The following NAA15 variants were observed in gnomAD, a reference collection of about 807,000 sequenced individuals.
NAA15 encodes N-terminal acetyltransferase.
NAA15 carries 34 observed loss-of-function variants against 114.0 expected under a neutral mutation model. That is an observed-to-expected ratio of 0.30 (90% CI 0.23 to 0.40). The LOEUF (loss-of-function observed/expected upper bound fraction) is 0.40, where lower values mean the gene tolerates loss of function less well. NAA15 is among the 10% of genes least tolerant of loss of function. NAA15 has a pLI of 1.00. For synonymous variants in NAA15, 340 were observed against 338.0 expected, an observed-to-expected ratio of 1.01 and a Z score of -0.06; for missense variants, 658 against 1,004.5, an observed-to-expected ratio of 0.66 and a Z score of 4.66.
rs774342246 is a variant in NAA15 at position 139,357,391 on chromosome 4, G to A, written c.1093G>A (p.Gly365Arg). Residue 365 changes from glycine (G) to arginine (R), a missense_variant, in exon 11 of 20, where the codon GGA (glycine) becomes AGA (arginine). Coordinates refer to ENST00000296543, the MANE Select transcript of NAA15 (RefSeq NM_057175.5). ...SCRLFNPNDD[G>R]KEEPPTTLLW... ...CTTCTCCCTCTTCTCCTAAGATGATGGAAAGGAGGAACCACCAACCACATT... is the reference window on the plus strand; with the variant it reads ...CTTCTCCCTCTTCTCCTAAGATGATAGAAAGGAGGAACCACCAACCACATT... The A allele has an allele frequency of 2.5e-6, 4 of 1,613,516 alleles. No individual in the cohort carries two copies.
chr4:139,363,553 G>A (rs183527835), intron 14 of NAA15, among the ~76,000 whole-genome samples: 4 of 152,176 alleles, frequency 2.6e-5, no homozygotes, highest in Admixed American at 2.6e-4. Context: ...CTCCATGTCT[G>A]CATATCATAA....
intron 6 of NAA15, among the ~76,000 whole-genome samples, chr4:139,348,534 TATAAC>T (rs1279346302): frequency 2.0e-5 from 3 of 151,298 alleles, no homozygotes; most frequent in Admixed American, 1.3e-4. Context: ...GAGCGAAAGA[TATAAC>T]AGAGAGTGAA....
At position 139,391,291 on chromosome 4, in the gene NAA15, GT is replaced by G. The variant is rs1749051480; in HGVS notation, c.*3208del. 1 of 148,226 alleles carries G rather than the reference GT, an allele frequency of 6.7e-6. No homozygotes were observed. 9.2% of individuals were successfully genotyped at this position (148,226 alleles called of 1,614,324 possible). On this transcript the variant is annotated 3_prime_UTR_variant, in exon 20 of 20. Transcript: ENST00000296543. ...AAAAACAAAGTCCCACGAAATGGCTGTGTTACACCATAGTGAGCAGAAACTT... is the reference window on the plus strand; with the variant it reads ...AAAAACAAAGTCCCACGAAATGGCTGGTTACACCATAGTGAGCAGAAACTT...
intron 14 of NAA15, among the ~76,000 whole-genome samples, chr4:139,369,905 A>G (rs894849649): frequency 2.6e-5 from 4 of 151,976 alleles, no homozygotes; most frequent in African/African-American, 9.7e-5. Flanking sequence ...CCTGGGTTCA[A>G]GCAATTATGC....
At chr4:139,303,181 C>G (rs1181146920) in intron 1 of NAA15, among the ~76,000 whole-genome samples, 1 of 152,094 alleles carries the variant, frequency 6.6e-6, no homozygotes, top group Non-Finnish European at 1.5e-5. Context: ...AAACTGTTAC[C>G]TTGAAATTCT....
intron 1 of NAA15, among the ~76,000 whole-genome samples, chr4:139,321,309 T>TA (rs957607348): frequency 2.6e-5 from 4 of 151,860 alleles, no homozygotes; most frequent in African/African-American, 9.7e-5. Flanking sequence ...TGTTTCTTCT[T>TA]AAAAAAAATT....
chr4:139,330,907 A>G (rs1440250682), intron 1 of NAA15, among the ~76,000 whole-genome samples: 1 of 152,216 alleles, frequency 6.6e-6, no homozygotes, highest in African/African-American at 2.4e-5. Context: ...TCATGCTAAA[A>G]TGTGAAATTT....
rs139867437 is a variant in NAA15 at position 139,323,928 on chromosome 4, G to A, written c.55-10246G>A. On this transcript the variant is annotated intron_variant, in intron 1 of 19. Transcript: ENST00000296543. ...AACAATTCAGTCTCTTGTTTTTTGA[G>A]GCAAGTCTTGCTGTTGCCCAGGCTA... Among the ~76,000 whole-genome samples the A allele has an allele frequency of 4.7e-3, 708 of 152,104 alleles. 7 individuals are homozygous for A. Among genetic ancestry groups the A allele is most frequent in the African/African-American group, 0.016 (660 of 41,502 alleles).
rs1201819091 is a variant in NAA15, at chr4:139,359,825, A to G, written c.1340A>G (p.Lys447Arg). ...LDTADRFINSKCAKYMLKANL... is the reference protein window; with the variant it reads ...LDTADRFINSRCAKYMLKANL... ...ACAGCAGACAGATTTATCAACTCCA[A>G]ATGTGCAAAATACATGCTAAAAGCC... Residue 447 changes from lysine (K) to arginine (R), a missense_variant, in exon 12 of 20, where the codon AAA becomes AGA. By Grantham distance (26) the Lys-to-Arg change is conservative. Transcript: ENST00000296543. 1 of 1,607,738 alleles carries G rather than the reference A, an allele frequency of 6.2e-7. No homozygotes were observed. The highest frequency in any genetic ancestry group is 8.5e-7 in the Non-Finnish European group (1 of 1,178,834).
chr4:139,323,726 C>T (rs1317931192), intron 1 of NAA15, among the ~76,000 whole-genome samples: 1 of 152,134 alleles, frequency 6.6e-6, no homozygotes, highest in African/African-American at 2.4e-5. Context: ...TCTTCTGAAA[C>T]GGTAGTCCTG....
chr4:139,371,499 A>ACGCG (rs1315720604), intron 15 of NAA15, among the ~76,000 whole-genome samples: 1 of 92,764 alleles, frequency 1.1e-5, no homozygotes, highest in African/African-American at 1.1e-4. Context: ...GAAAAGTAGC[A>ACGCG]CACACACACA....
chr4:139,370,640 T>A (rs1325825605), intron 15 of NAA15, among the ~76,000 whole-genome samples: 1 of 152,136 alleles, frequency 6.6e-6, no homozygotes, highest in Non-Finnish European at 1.5e-5. Context: ...GTGGAAAAAA[T>A]TTTGGCTTTT....
intron 14 of NAA15, among the ~76,000 whole-genome samples, chr4:139,369,870 T>A (rs1285925711): frequency 6.6e-6 from 1 of 152,094 alleles, no homozygotes; most frequent in African/African-American, 2.4e-5. Flanking sequence ...AGTGGTGTGA[T>A]CTTGGTTCAC....
intron 18 of NAA15, among the ~76,000 whole-genome samples, chr4:139,385,520 C>T (rs939029694): frequency 6.6e-5 from 10 of 151,850 alleles, no homozygotes; most frequent in Admixed American, 2.6e-4. Context: ...ATAGGACCAT[C>T]GTCTTCCATT....
intron 19 of NAA15, 79 bp downstream of exon 19, chr4:139,386,309 A>G: frequency 1.4e-6 from 1 of 725,894 alleles, no homozygotes; most frequent in South Asian, 2.0e-5. Context: ...GTATTTATAC[A>G]CACTGTTTTT....
rs190711687 is a variant in NAA15, at chr4:139,358,517, T to C, written c.1257+962T>C. On this transcript the variant is annotated intron_variant, in intron 11 of 19. Coordinates refer to ENST00000296543, the MANE Select transcript of NAA15 (RefSeq NM_057175.5). ...GGCTAAAGAAGCACTTTTGATTTTTTATTTATTTTTTTTATTAATTTTTTT... is the reference window on the plus strand; with the variant it reads ...GGCTAAAGAAGCACTTTTGATTTTTCATTTATTTTTTTTATTAATTTTTTT... Among the ~76,000 whole-genome samples the C allele has an allele frequency of 3.8e-3, 565 of 147,866 alleles. 2 individuals are homozygous for C. Among genetic ancestry groups the C allele is most frequent in the African/African-American group, 0.011 (466 of 41,304 alleles).
At chr4:139,380,752 A>T (rs577249256) in intron 17 of NAA15, among the ~76,000 whole-genome samples, 65 of 152,324 alleles carry the variant, frequency 4.3e-4, no homozygotes, top group Admixed American at 1.0e-3. Flanking sequence ...ATTGGTAAAG[A>T]TCTGTCTCTT....
chr4:139,310,337 C>T (rs965773986), intron 1 of NAA15, among the ~76,000 whole-genome samples: 8 of 149,706 alleles, frequency 5.3e-5, no homozygotes, highest in African/African-American at 2.0e-4. Context: ...GCCTGTAGTC[C>T]CAGCTACTTG....
intron 10 of NAA15, chr4:139,356,646 A>T (rs1747958048): frequency 6.6e-6 from 1 of 152,172 alleles, no homozygotes. Flanking sequence ...AAAATTTTTT[A>T]AAAAGCAATC....
Sources: gnomAD v4.1 joint callset for allele counts (sites outside exome capture counted in the v4.1 genomes callset) on GRCh38, gnomAD v4.1.1 for gene constraint, MANE v1.5 for transcripts, NCBI Gene and HGNC (gene_info 2026-07-23, HGNC 2026-07-21) for gene names.